BLOC1S5: variants seen among roughly 807,000 people sequenced by gnomAD.
The protein encoded by BLOC1S5 is biogenesis of lysosomal organelles complex 1 subunit 5.
In BLOC1S5, 27 loss-of-function variants were observed where a neutral mutation model predicts 24.3. The ratio of observed to expected loss-of-function variants is 1.11; its 90% CI spans 0.82 to 1.53. BLOC1S5 has a LOEUF of 1.53. Among genes scored for constraint, BLOC1S5 ranks in the 40% most tolerant of loss-of-function variants. The pLI, the probability that BLOC1S5 is intolerant of heterozygous loss-of-function variation, is 0.00. For missense variants in BLOC1S5, 239 were observed against 229.4 expected (o/e 1.04, Z -0.27); for synonymous variants, 84 against 74.5 (o/e 1.13, Z -0.66).
chr6:8,047,077 C>G (rs779217333), intron 2 of BLOC1S5, among the ~76,000 whole-genome samples: 9 of 151,540 alleles, frequency 5.9e-5, no homozygotes, highest in Non-Finnish European at 1.0e-4. Flanking sequence ...AGCCACCATG[C>G]TTGATCTCAA....
chr6:8,030,597 T>C (rs2815133), intron 3 of BLOC1S5, among the ~76,000 whole-genome samples: 96,541 of 151,042 alleles, frequency 0.64, 31,389 homozygotes, highest in East Asian at 0.94. Context: ...AAAGGCCAGG[T>C]ACAGTGGCTC....
intron 2 of BLOC1S5, among the ~76,000 whole-genome samples, chr6:8,045,812 A>C (rs7766100): frequency 0.23 from 35,297 of 152,082 alleles, 5,067 homozygotes; most frequent in African/African-American, 0.4. Flanking sequence ...AATACCTGTA[A>C]CCCCATTGTA....
intron 2 of BLOC1S5, among the ~76,000 whole-genome samples, chr6:8,052,093 A>C (rs1358741900): frequency 6.6e-6 from 1 of 150,622 alleles, no homozygotes; most frequent in East Asian, 2.0e-4. Context: ...CAGCCTCCCA[A>C]GTAGCTGGGA....
At chr6:8,017,331 C>CTGT (rs1467946775) in intron 4 of BLOC1S5, among the ~76,000 whole-genome samples, 1 of 151,998 alleles carries the variant, frequency 6.6e-6, no homozygotes, top group African/African-American at 2.4e-5. Context: ...TGAGCCGAGA[C>CTGT]TGCACCACTG....
intron 4 of BLOC1S5, among the ~76,000 whole-genome samples, chr6:8,023,052 G>A (rs1445314918): frequency 6.6e-6 from 1 of 152,132 alleles, no homozygotes; most frequent in African/African-American, 2.4e-5. Flanking sequence ...GGCTTCAAAA[G>A]TTGACACCAC....
intron 2 of BLOC1S5, among the ~76,000 whole-genome samples, chr6:8,044,685 G>C (rs999982328): frequency 6.6e-6 from 1 of 152,210 alleles, no homozygotes; most frequent in African/African-American, 2.4e-5. Context: ...AACTTGTTGG[G>C]AACTGGAGCA....
intron 2 of BLOC1S5, 92 bp from the exon 3 acceptor site, chr6:8,041,360 T>A (rs1184486676): frequency 1.4e-5 from 18 of 1,243,154 alleles, no homozygotes; most frequent in Non-Finnish European, 1.8e-5. Flanking sequence ...TCGCCCAGAC[T>A]GGAGTGCGGT....
chr6:8,034,300 TA>T (rs139205292), intron 3 of BLOC1S5, among the ~76,000 whole-genome samples: 1 of 152,138 alleles, frequency 6.6e-6, no homozygotes, highest in African/African-American at 2.4e-5. Context: ...TATGCAGCCA[TA>T]AAAAAGGATG....
At chr6:8,032,262 C>G (rs1337449498) in intron 3 of BLOC1S5, among the ~76,000 whole-genome samples, 1 of 152,006 alleles carries the variant, frequency 6.6e-6, no homozygotes, top group Non-Finnish European at 1.5e-5. Flanking sequence ...TCAAACAAAT[C>G]AGCAAGAGAA....
At chr6:8,057,110 T>C (rs1764337952) in intron 2 of BLOC1S5, among the ~76,000 whole-genome samples, 1 of 152,050 alleles carries the variant, frequency 6.6e-6, no homozygotes, top group Non-Finnish European at 1.5e-5. Context: ...TCCCAGCTAC[T>C]TGGGAGGCTG....
chr6:8,029,961 C>T (rs1446252874), intron 3 of BLOC1S5, among the ~76,000 whole-genome samples: 4 of 152,164 alleles, frequency 2.6e-5, no homozygotes, highest in Admixed American at 2.6e-4. Flanking sequence ...CGCAGATGTA[C>T]ATCCACAAGA....
At chr6:8,027,368 T>G (rs906807211) in intron 3 of BLOC1S5, 7 of 456,622 alleles carry the variant, frequency 1.5e-5, no homozygotes, top group Middle Eastern at 3.2e-4. Flanking sequence ...TTCTTGTTGG[T>G]CCTCCTATCT....
In BLOC1S5 at chr6:8,015,446, T is replaced by C. The variant is rs941915817; in HGVS notation, c.*203A>G. The C allele has an allele frequency of 3.8e-6, 2 of 523,946 alleles. No individual in the cohort carries two copies. The highest frequency in any genetic ancestry group is 6.7e-6 in the Non-Finnish European group (2 of 299,934). 32.5% of individuals were successfully genotyped at this position (523,946 alleles called of 1,614,324 possible). ...TCCTCTTCATTCAAATAATCATATA[T>C]AGGCACTTAAAGCTGGAAAAATGTG... On this transcript the variant is annotated 3_prime_UTR_variant, in exon 5 of 5. Transcript: ENST00000397457.
In BLOC1S5 at chr6:8,047,160, T is replaced by TCACACA. The variant is rs57923927; in HGVS notation, c.196-5898_196-5893dup. Among the ~76,000 whole-genome samples the TCACACA allele has an allele frequency of 3.6e-3, 456 of 126,936 alleles. 1 individual carries two copies. The highest frequency in any genetic ancestry group is 0.011 in the Middle Eastern group (3 of 264). The allele number at this position is 126,936 out of a possible 152,430, so 83.3% of individuals were successfully genotyped here. ...AAGACCACCTCTCTCTCTCTCTCTC[T>TCACACA]CACACACACACACACACACACACAC... On this transcript the variant is annotated intron_variant, in intron 2 of 4. Transcript: ENST00000397457.
chr6:8,051,054 G>C (rs1764090141), intron 2 of BLOC1S5, among the ~76,000 whole-genome samples: 1 of 152,120 alleles, frequency 6.6e-6, no homozygotes, highest in African/African-American at 2.4e-5. Flanking sequence ...TGAGCAGGGT[G>C]GTGCACACCT....
intron 3 of BLOC1S5, among the ~76,000 whole-genome samples, chr6:8,027,780 G>T (rs1304886966): frequency 6.8e-6 from 1 of 146,574 alleles, no homozygotes; most frequent in Non-Finnish European, 1.5e-5. Flanking sequence ...CCAAGATCGT[G>T]CCACTGCACT....
intron 4 of BLOC1S5, 66 bp from the exon 5 acceptor site, chr6:8,015,894 T>A: frequency 7.1e-7 from 1 of 1,399,790 alleles, no homozygotes; most frequent in Non-Finnish European, 9.7e-7. Context: ...CGTTATCTCT[T>A]GATACTTGGT....
At chr6:8,047,849 G>A (rs950619268) in intron 2 of BLOC1S5, among the ~76,000 whole-genome samples, 2 of 152,152 alleles carry the variant, frequency 1.3e-5, no homozygotes, top group African/African-American at 2.4e-5. Flanking sequence ...GTAGCATTCT[G>A]TCTTTGTTTA....
At chr6:8,045,959 G>A (rs1256157132) in intron 2 of BLOC1S5, among the ~76,000 whole-genome samples, 1 of 152,174 alleles carries the variant, frequency 6.6e-6, no homozygotes, top group Non-Finnish European at 1.5e-5. Flanking sequence ...GGACTGCTGG[G>A]AAGGCATGAT....
Sources: gnomAD v4.1 joint callset for allele counts (sites outside exome capture counted in the v4.1 genomes callset) on GRCh38, gnomAD v4.1.1 for gene constraint, MANE v1.5 for transcripts, NCBI Gene and HGNC (gene_info 2026-07-23, HGNC 2026-07-21) for gene names.